PTK2: variants seen among roughly 807,000 people sequenced by gnomAD.
PTK2 encodes the protein protein tyrosine kinase 2, also known as focal adhesion kinase 1.
Under a neutral mutation model 150.1 loss-of-function variants are expected in PTK2, and 45 were observed. The observed-to-expected ratio is 0.30, with a 90% CI of 0.24 to 0.38. The LOEUF (loss-of-function observed/expected upper bound fraction) is 0.38, where lower values mean the gene tolerates loss of function less well. PTK2 is among the 10% of genes least tolerant of loss of function. The probability of loss-of-function intolerance (pLI) is 1.00; values close to 1 mark genes in which losing one functional copy is unlikely to be tolerated. For synonymous variants in PTK2, 432 were observed against 449.2 expected, an observed-to-expected ratio of 0.96 and a Z score of 0.48; for missense variants, 919 against 1,307.3, an observed-to-expected ratio of 0.70 and a Z score of 4.58.
At chr8:140,715,144 C>T (rs1240388648) in intron 23 of PTK2, among the ~76,000 whole-genome samples, 2 of 135,194 alleles carry the variant, frequency 1.5e-5, no homozygotes, top group Non-Finnish European at 1.5e-5. Flanking sequence ...GATTTTCTAG[C>T]CATTAAAACC....
At chr8:140,966,064 G>T (rs1157388146) in intron 1 of PTK2, among the ~76,000 whole-genome samples, 1 of 152,006 alleles carries the variant, frequency 6.6e-6, no homozygotes, top group East Asian at 1.9e-4. Context: ...TTTCTATTAG[G>T]AGTGTAAACC....
At position 140,803,433 on chromosome 8, in the gene PTK2, G is replaced by T. The variant is rs2100096449; in HGVS notation, c.975+110C>A. ...AACCCTTTCTATATATAAGAAAGTT[G>T]TGATTCTGATGATCCATAAAAACTT... On this transcript the variant is annotated intron_variant, in intron 11 of 31. Transcript: ENST00000522684. 14 of 821,160 alleles carry T rather than the reference G, an allele frequency of 1.7e-5. No individual in the cohort carries two copies. In the South Asian group the frequency reaches 1.9e-4, roughly 11 times the overall value. 50.9% of individuals were successfully genotyped at this position (821,160 alleles called of 1,614,324 possible). A position where few individuals can be genotyped will look rare whatever the true frequency, so the allele number is the denominator to read the frequency against.
At chr8:140,840,341 G>A (rs535830336) in intron 7 of PTK2, among the ~76,000 whole-genome samples, 1 of 152,268 alleles carries the variant, frequency 6.6e-6, no homozygotes, top group South Asian at 2.1e-4. Context: ...CACTGCACCT[G>A]GCCCAATATA....
chr8:140,918,089 A>G (rs184289845), intron 2 of PTK2, among the ~76,000 whole-genome samples: 2 of 152,238 alleles, frequency 1.3e-5, no homozygotes, highest in African/African-American at 4.8e-5. Context: ...CATCGAGCTC[A>G]TTTAAGCTGA....
At chr8:140,710,463 G>GT (rs2100036189) in intron 23 of PTK2, among the ~76,000 whole-genome samples, 1 of 152,126 alleles carries the variant, frequency 6.6e-6, no homozygotes, top group African/African-American at 2.4e-5. Flanking sequence ...GAGGTCAGGA[G>GT]TTTGAGACCA....
intron 24 of PTK2, among the ~76,000 whole-genome samples, chr8:140,705,750 T>C (rs934086840): frequency 2.6e-5 from 4 of 152,228 alleles, no homozygotes; most frequent in Non-Finnish European, 5.9e-5. Flanking sequence ...TGGTATTTCA[T>C]CTGGGTTCTG....
chr8:140,854,076 A>G (rs1180931682), intron 5 of PTK2, among the ~76,000 whole-genome samples: 1 of 152,224 alleles, frequency 6.6e-6, no homozygotes, highest in East Asian at 1.9e-4. Flanking sequence ...TCCTATAGTT[A>G]AGTTTAGATT....
intron 7 of PTK2, among the ~76,000 whole-genome samples, chr8:140,841,597 C>T (rs779545363): frequency 6.4e-4 from 98 of 152,046 alleles, no homozygotes; most frequent in Admixed American, 1.3e-3. Flanking sequence ...GATTTTACTA[C>T]ATTAAAGAAA....
At chr8:140,757,925 A>G (rs945117371) in intron 16 of PTK2, among the ~76,000 whole-genome samples, 3 of 152,224 alleles carry the variant, frequency 2.0e-5, no homozygotes, top group Non-Finnish European at 4.4e-5. Context: ...AAACAAATTT[A>G]CCGTACTGCC....
chr8:140,686,479 T>C (rs922588718), intron 27 of PTK2, among the ~76,000 whole-genome samples, 153 bp downstream of exon 30: 2 of 152,174 alleles, frequency 1.3e-5, no homozygotes, highest in Non-Finnish European at 2.9e-5. Context: ...AGGCTGTACA[T>C]CATAGATTTT....
intron 2 of PTK2, among the ~76,000 whole-genome samples, chr8:140,894,844 T>A (rs754106669): frequency 6.6e-6 from 1 of 152,220 alleles, no homozygotes; most frequent in Admixed American, 6.5e-5. Flanking sequence ...TACACCCTTA[T>A]AACTTTTGGT....
chr8:140,694,928 C>A (rs928855253), intron 26 of PTK2, among the ~76,000 whole-genome samples: 3 of 152,218 alleles, frequency 2.0e-5, no homozygotes, highest in African/African-American at 7.2e-5. Flanking sequence ...GACAGAGGGT[C>A]AGGGTGGCCC....
intron 7 of PTK2, among the ~76,000 whole-genome samples, chr8:140,844,683 A>C (rs1027461651): frequency 7.9e-5 from 12 of 151,886 alleles, no homozygotes; most frequent in Admixed American, 7.9e-4. Context: ...CTCTCCCTCA[A>C]ACTGCATTTT....
intron 17 of PTK2, among the ~76,000 whole-genome samples, chr8:140,748,575 T>C (rs2100060929): frequency 6.6e-6 from 1 of 152,014 alleles, no homozygotes; most frequent in East Asian, 1.9e-4. Context: ...GCTGCCTTTT[T>C]TGGCATACTT....
chr8:140,693,564 T>TA lies in PTK2; in HGVS notation c.2500-6871dup, dbSNP rs377205785. Among the ~76,000 whole-genome samples the TA allele has an allele frequency of 2.7e-3, 196 of 72,446 alleles. 12 individuals carry two copies. The highest frequency in any genetic ancestry group is 7.4e-3 in the East Asian group (16 of 2,164). 47.5% of individuals were successfully genotyped at this position (72,446 alleles called of 152,430 possible). A position where few individuals can be genotyped will look rare whatever the true frequency, so the allele number is the denominator to read the frequency against. On this transcript the variant is annotated intron_variant, in intron 26 of 31. Coordinates refer to ENST00000522684, the Ensembl canonical transcript of PTK2. The stretch of plus-strand genomic sequence containing the variant: ...CCACAGAGTGAGACTTTGTCTCAAT[T>TA]AAAAAAAAAAAAAAAAAAAAAAAAA...
intron 1 of PTK2, among the ~76,000 whole-genome samples, chr8:140,958,064 A>AT (rs1211713867): frequency 6.6e-6 from 1 of 152,134 alleles, no homozygotes; most frequent in Admixed American, 6.5e-5. Context: ...CATGTTACAT[A>AT]TTTTTTATGC....
At chr8:140,839,114 C>T (rs921458198) in intron 7 of PTK2, among the ~76,000 whole-genome samples, 1 of 152,090 alleles carries the variant, frequency 6.6e-6, no homozygotes, top group South Asian at 2.1e-4. Flanking sequence ...GATAAACATG[C>T]CGGTTTCTAG....
chr8:140,714,796 CAA>C (rs398010102), intron 23 of PTK2, among the ~76,000 whole-genome samples: 30 of 46,872 alleles, frequency 6.4e-4, no homozygotes, highest in African/African-American at 2.5e-3. Context: ...GGCTCTGTCT[CAA>C]AAAAAAAAAA....
intron 1 of PTK2, among the ~76,000 whole-genome samples, chr8:140,962,409 A>G (rs2100183634): frequency 6.6e-6 from 1 of 152,166 alleles, no homozygotes; most frequent in Non-Finnish European, 1.5e-5. Flanking sequence ...AAAACTGTGT[A>G]CAAGCATCCA....
Sources: gnomAD v4.1 joint callset for allele counts (sites outside exome capture counted in the v4.1 genomes callset) on GRCh38, gnomAD v4.1.1 for gene constraint, MANE v1.5 for transcripts, NCBI Gene and HGNC (gene_info 2026-07-23, HGNC 2026-07-21) for gene names.